Variants in RNGTT observed in about 807,000 individuals in gnomAD.
The protein encoded by RNGTT is mRNA-capping enzyme.
Under a neutral mutation model 79.3 loss-of-function variants are expected in RNGTT, and 33 were observed. The observed-to-expected ratio is 0.42, with a 90% CI of 0.32 to 0.56. The LOEUF (loss-of-function observed/expected upper bound fraction) is 0.56. Among genes scored for constraint, RNGTT ranks in the 20% least tolerant of loss-of-function variants. The pLI, the probability that RNGTT is intolerant of heterozygous loss-of-function variation, is 0.17. For missense variants in RNGTT, 497 were observed against 739.1 expected (o/e 0.67, Z 3.80); for synonymous variants, 222 against 235.9 (o/e 0.94, Z 0.54).
chr6:88,893,688 T>C (rs1783127974), intron 6 of RNGTT, among the ~76,000 whole-genome samples: 1 of 152,164 alleles, frequency 6.6e-6, no homozygotes, highest in Non-Finnish European at 1.5e-5. Flanking sequence ...CCCAATCACC[T>C]AGTAAATGTC....
intron 1 of RNGTT, among the ~76,000 whole-genome samples, chr6:88,949,108 T>TA (rs1328449745): frequency 1.2e-4 from 4 of 32,542 alleles, no homozygotes; most frequent in South Asian, 9.6e-4. Context: ...GAATTATCAA[T>TA]AAAAAAATAA....
At position 88,611,807 on chromosome 6, in the gene RNGTT, A is replaced by G. The variant is rs1355714076; in HGVS notation, c.*912T>C. On this transcript the variant is annotated 3_prime_UTR_variant, in exon 16 of 16. Coordinates refer to ENST00000369485, the MANE Select transcript of RNGTT (RefSeq NM_003800.5). ...TTTGCTGTTTTGTTCGAGAGAAGGA[A>G]CACAACATCGTTTGTATTTGATATC... 2 of 152,670 alleles carry G rather than the reference A, an allele frequency of 1.3e-5. No homozygotes were observed. Among genetic ancestry groups the G allele is most frequent in the Admixed American group, 1.3e-4 (2 of 15,284 alleles). The allele number at this position is 152,670 out of a possible 1,614,324, so 9.5% of individuals were successfully genotyped here. A position where few individuals can be genotyped will look rare whatever the true frequency, so the allele number is the denominator to read the frequency against.
intron 4 of RNGTT, among the ~76,000 whole-genome samples, chr6:88,925,328 C>T (rs1784284565): frequency 6.6e-6 from 1 of 152,180 alleles, no homozygotes; most frequent in South Asian, 2.1e-4. Context: ...TAAGGGTTCA[C>T]GCCTGTAATC....
chr6:88,673,188 A>G (rs1026786821), intron 14 of RNGTT, among the ~76,000 whole-genome samples: 8 of 152,254 alleles, frequency 5.3e-5, no homozygotes, highest in African/African-American at 1.9e-4. Context: ...CTTTTCCTCC[A>G]TGATCAAGTG....
intron 11 of RNGTT, among the ~76,000 whole-genome samples, chr6:88,812,728 G>T (rs1227351816): frequency 6.6e-6 from 1 of 152,080 alleles, no homozygotes; most frequent in African/African-American, 2.4e-5. Flanking sequence ...ATTCAACATT[G>T]TTTACATATC....
intron 11 of RNGTT, among the ~76,000 whole-genome samples, chr6:88,843,536 T>C (rs976773039): frequency 2.0e-5 from 3 of 149,632 alleles, no homozygotes; most frequent in African/African-American, 7.4e-5. Context: ...TCTTGGAATA[T>C]TTAGTATGAT....
intron 11 of RNGTT, among the ~76,000 whole-genome samples, chr6:88,832,521 T>G (rs1014339029): frequency 1.3e-5 from 2 of 152,172 alleles, no homozygotes; most frequent in Non-Finnish European, 2.9e-5. Flanking sequence ...GACATAGGCA[T>G]AGGCAAAGAC....
intron 13 of RNGTT, among the ~76,000 whole-genome samples, chr6:88,685,315 G>T (rs778487941): frequency 2.1e-4 from 32 of 152,170 alleles, no homozygotes; most frequent in Non-Finnish European, 4.3e-4. Flanking sequence ...TAACCAATTT[G>T]TCCATCAATT....
Position 88,939,753 on chromosome 6 carries a change from G to GT in RNGTT, c.174+1317dup, listed in dbSNP as rs1184359060. 2.0e-5 allele frequency among the ~76,000 whole-genome samples: 3 copies of GT among 150,810 alleles called. No homozygotes were observed. In the East Asian group the frequency reaches 5.9e-4, roughly 30 times the overall value. On this transcript the variant is annotated intron_variant, in intron 2 of 15. Coordinates refer to ENST00000369485, the MANE Select transcript of RNGTT (RefSeq NM_003800.5). Reference sequence around the variant, plus strand: ...TTACATTGATATCTGCACATCTGGTGTAACACTCACTTCTCCTTTTTTTTT... The same window carrying GT: ...TTACATTGATATCTGCACATCTGGTGTTAACACTCACTTCTCCTTTTTTTTT...
chr6:88,714,892 T>G (rs1212372805), intron 13 of RNGTT, among the ~76,000 whole-genome samples: 4 of 152,182 alleles, frequency 2.6e-5, no homozygotes, highest in African/African-American at 9.7e-5. Flanking sequence ...AGCATTCCCT[T>G]TGAAAACTGG....
chr6:88,917,743 T>C (rs998190334), intron 4 of RNGTT, among the ~76,000 whole-genome samples: 6 of 151,542 alleles, frequency 4.0e-5, no homozygotes, highest in Non-Finnish European at 8.8e-5. Context: ...AAAAATTAAC[T>C]GGGGTTGGTG....
chr6:88,916,107 C>T (rs1370644288), intron 4 of RNGTT, among the ~76,000 whole-genome samples: 2 of 152,080 alleles, frequency 1.3e-5, no homozygotes, highest in African/African-American at 2.4e-5. Flanking sequence ...AAAGAGTGAC[C>T]GTATCAAGTG....
rs189848816 is a variant in RNGTT, at chr6:88,962,635, G to A, written c.64+711C>T. ...TAAAAACAAAAATTAGCCGGGTGTG[G>A]TGGCACGCGCCTGTAATCCCAGCTA... On this transcript the variant is annotated intron_variant, in intron 1 of 15. Coordinates refer to ENST00000369485, the MANE Select transcript of RNGTT (RefSeq NM_003800.5). Among the ~76,000 whole-genome samples the A allele has an allele frequency of 1.2e-3, 185 of 152,314 alleles. 1 individual carries two copies. Among genetic ancestry groups the A allele is most frequent in the African/African-American group, 4.3e-3 (178 of 41,584 alleles).
At chr6:88,771,471 C>A (rs1016247560) in intron 12 of RNGTT, among the ~76,000 whole-genome samples, 4 of 151,416 alleles carry the variant, frequency 2.6e-5, no homozygotes, top group Non-Finnish European at 5.9e-5. Context: ...TGAAAACAGG[C>A]TGTGTAAGTC....
At chr6:88,723,037 G>A (rs1434764419) in intron 13 of RNGTT, among the ~76,000 whole-genome samples, 1 of 152,180 alleles carries the variant, frequency 6.6e-6, no homozygotes, top group Non-Finnish European at 1.5e-5. Flanking sequence ...ATTTTAGAAT[G>A]TATTCCTTCT....
intron 13 of RNGTT, among the ~76,000 whole-genome samples, chr6:88,732,359 T>C (rs1254148265): frequency 6.6e-6 from 1 of 152,194 alleles, no homozygotes; most frequent in Non-Finnish European, 1.5e-5. Context: ...GGATGGCTAT[T>C]ATCAAAAGAA....
At chr6:88,718,382 C>A (rs1368845641) in intron 13 of RNGTT, among the ~76,000 whole-genome samples, 1 of 143,108 alleles carries the variant, frequency 7.0e-6, no homozygotes, top group African/African-American at 2.6e-5. Flanking sequence ...GTGAGACTGT[C>A]TCTCAAAAAA....
intron 13 of RNGTT, among the ~76,000 whole-genome samples, chr6:88,731,982 A>G (rs533294311): frequency 6.6e-6 from 1 of 152,212 alleles, no homozygotes; most frequent in Non-Finnish European, 1.5e-5. Flanking sequence ...TTTACTATTC[A>G]CTAAGTGGAA....
chr6:88,755,583 A>C (rs888597522), intron 13 of RNGTT, among the ~76,000 whole-genome samples: 1 of 152,150 alleles, frequency 6.6e-6, no homozygotes, highest in Admixed American at 6.6e-5. Context: ...TGAGAATAAA[A>C]GCATGCCAAA....
Sources: gnomAD v4.1 joint callset for allele counts (sites outside exome capture counted in the v4.1 genomes callset) on GRCh38, gnomAD v4.1.1 for gene constraint, MANE v1.5 for transcripts, NCBI Gene and HGNC (gene_info 2026-07-23, HGNC 2026-07-21) for gene names.